Variants in TMEM163 observed in about 807,000 individuals in gnomAD.
TMEM163 encodes transmembrane protein 163.
A neutral mutation model predicts 29.3 loss-of-function variants in TMEM163; 17 were observed. The observed-to-expected ratio is 0.58, with a 90% CI of 0.40 to 0.87. TMEM163 has a LOEUF of 0.87. TMEM163 is among the 40% of genes least tolerant of loss of function. TMEM163 has a pLI of 0.00. For synonymous variants in TMEM163, 157 were observed against 160.6 expected (o/e 0.98, Z 0.17); for missense variants, 303 against 381.5 (o/e 0.79, Z 1.71).
chr2:134,600,665 C>T (rs538345952), intron 2 of TMEM163, among the ~76,000 whole-genome samples: 4 of 152,264 alleles, frequency 2.6e-5, no homozygotes, highest in African/African-American at 9.6e-5. Flanking sequence ...CATCAAAAAG[C>T]ACCTGTGAAT....
chr2:134,501,008 C>A (rs1260421094), intron 5 of TMEM163, among the ~76,000 whole-genome samples: 1 of 152,016 alleles, frequency 6.6e-6, no homozygotes, highest in African/African-American at 2.4e-5. Context: ...GTTCCCAACA[C>A]AGAAATAATA....
intron 5 of TMEM163, among the ~76,000 whole-genome samples, chr2:134,471,364 G>A (rs1686796838): frequency 6.6e-6 from 1 of 152,056 alleles, no homozygotes. Flanking sequence ...GAAAACAGAA[G>A]ATCTTTTTCC....
intron 2 of TMEM163, among the ~76,000 whole-genome samples, chr2:134,658,632 C>G (rs572899395): frequency 5.5e-4 from 84 of 152,178 alleles, no homozygotes; most frequent in African/African-American, 1.5e-3. Context: ...GAGTCTCACT[C>G]TGTCGCCCAG....
chr2:134,664,501 TA>T (rs1473773419), intron 2 of TMEM163, among the ~76,000 whole-genome samples: 4 of 152,096 alleles, frequency 2.6e-5, no homozygotes, highest in Non-Finnish European at 4.4e-5. Context: ...CATTACCTTG[TA>T]GGGGAAAAGG....
At chr2:134,616,438 T>C (rs1204562200) in intron 2 of TMEM163, among the ~76,000 whole-genome samples, 2 of 152,180 alleles carry the variant, frequency 1.3e-5, no homozygotes, top group African/African-American at 4.8e-5. Context: ...TCAAAATCTT[T>C]AAAAGTTTTT....
chr2:134,593,999 C>G (rs1162211931), intron 2 of TMEM163, among the ~76,000 whole-genome samples: 1 of 151,986 alleles, frequency 6.6e-6, no homozygotes, highest in Non-Finnish European at 1.5e-5. Context: ...TTCAGGTTCT[C>G]CAGGTGGAGA....
Position 134,550,605 on chromosome 2 carries a change from G to T in TMEM163, c.423C>A (p.Asn141Lys), listed in dbSNP as rs146033998. ...SSAIVLWRYS[N>K]AAAVHSAHRE... ...TATGGGCAGAGTGCACAGCGGCCGC[G>T]TTGCTGTAACGCCACAGGACAATCG... is the stretch of plus-strand genomic sequence containing the variant. Residue 141 changes from asparagine to lysine, a missense_variant, in exon 4 of 8, where the codon AAC (asparagine) becomes AAA (lysine). Asn to Lys is a moderately conservative substitution (Grantham distance 94). Coordinates refer to ENST00000281924, the MANE Select transcript of TMEM163 (RefSeq NM_030923.5). 1 of 1,614,048 alleles carries T rather than the reference G, an allele frequency of 6.2e-7. No homozygotes were observed. The highest frequency in any genetic ancestry group is 1.3e-5 in the African/African-American group (1 of 74,916).
At chr2:134,526,498 A>T (rs1015703649) in intron 4 of TMEM163, among the ~76,000 whole-genome samples, 3 of 152,198 alleles carry the variant, frequency 2.0e-5, no homozygotes, top group African/African-American at 7.2e-5. Context: ...TCACCAAAAG[A>T]ACACTTAACA....
chr2:134,476,877 T>G (rs906379501), intron 5 of TMEM163, among the ~76,000 whole-genome samples: 1 of 152,240 alleles, frequency 6.6e-6, no homozygotes, highest in Non-Finnish European at 1.5e-5. Flanking sequence ...ATGATTATCA[T>G]CACTGCCATG....
intron 2 of TMEM163, among the ~76,000 whole-genome samples, chr2:134,635,562 C>G (rs900468853): frequency 2.6e-5 from 4 of 152,064 alleles, no homozygotes. Context: ...CTGGAAAATG[C>G]CTTCACTAGA....
chr2:134,520,435 C>G (rs1405682051), intron 4 of TMEM163, among the ~76,000 whole-genome samples: 2 of 152,222 alleles, frequency 1.3e-5, no homozygotes, highest in Non-Finnish European at 2.9e-5. Flanking sequence ...AGCAACCTAG[C>G]AGGGTATGAC....
intron 2 of TMEM163, among the ~76,000 whole-genome samples, chr2:134,593,677 C>T (rs559027077): frequency 1.2e-4 from 18 of 152,178 alleles, no homozygotes; most frequent in Non-Finnish European, 1.8e-4. Context: ...AGTCTTGAAA[C>T]GGCTTAGTTA....
At chr2:134,490,787 G>A (rs544582780) in intron 5 of TMEM163, among the ~76,000 whole-genome samples, 14 of 152,108 alleles carry the variant, frequency 9.2e-5, no homozygotes, top group Non-Finnish European at 1.8e-4. Context: ...CCTCATGACC[G>A]CTAGAGCTCA....
intron 2 of TMEM163, among the ~76,000 whole-genome samples, chr2:134,652,438 A>AT (rs1180296869): frequency 1.2e-5 from 1 of 85,802 alleles, no homozygotes; most frequent in Non-Finnish European, 2.2e-5. Context: ...GCTTAAGGAG[A>AT]TTTTGGGCTG....
At chr2:134,456,909 T>G (rs1686410128) in intron 7 of TMEM163, 133 bp from the exon 8 acceptor site, 2 of 884,348 alleles carry the variant, frequency 2.3e-6, no homozygotes, top group Non-Finnish European at 3.6e-6. Context: ...TCGGTGGTTT[T>G]TAGTATATTC....
Position 134,589,669 on chromosome 2 carries a change from G to A in TMEM163, c.323-37578C>T, listed in dbSNP as rs567414795. Among the ~76,000 whole-genome samples the A allele has an allele frequency of 2.0e-5, 3 of 152,302 alleles. No homozygotes were observed. The East Asian group carries it at 5.8e-4, about 29-fold the overall frequency. On this transcript the variant is annotated intron_variant, in intron 2 of 7. Coordinates refer to ENST00000281924, the MANE Select transcript of TMEM163 (RefSeq NM_030923.5). Reference sequence around the variant, plus strand: ...TCATGAATAGTCCACCCATTGTTTAGCAAATAATCAAGAAATAACCATAAA... The same window carrying A: ...TCATGAATAGTCCACCCATTGTTTAACAAATAATCAAGAAATAACCATAAA...
At chr2:134,457,588 C>A (rs1686428433) in intron 7 of TMEM163, among the ~76,000 whole-genome samples, 1 of 152,224 alleles carries the variant, frequency 6.6e-6, no homozygotes, top group Admixed American at 6.5e-5. Context: ...ACTGACTAGT[C>A]CCCTTTTGCA....
At chr2:134,633,966 C>CAT (rs535811215) in intron 2 of TMEM163, among the ~76,000 whole-genome samples, 196 of 37,818 alleles carry the variant, frequency 5.2e-3, no homozygotes, top group South Asian at 0.018. Flanking sequence ...AAAAAAAATA[C>CAT]ATATATATAT....
intron 5 of TMEM163, among the ~76,000 whole-genome samples, chr2:134,484,060 T>G (rs1679262181): frequency 6.6e-6 from 1 of 152,050 alleles, no homozygotes; most frequent in Non-Finnish European, 1.5e-5. Context: ...GAGAATCCCT[T>G]GAACCCAGAA....
Sources: allele counts gnomAD v4.1 joint callset (sites outside exome capture counted in the v4.1 genomes callset), GRCh38; gene constraint gnomAD v4.1.1; transcripts MANE v1.5; gene names NCBI Gene and HGNC (gene_info 2026-07-23, HGNC 2026-07-21).